NCSTN: variants seen among roughly 807,000 people sequenced by gnomAD.
The protein encoded by NCSTN is nicastrin.
NCSTN carries 22 observed loss-of-function variants against 87.0 expected under a neutral mutation model. The ratio of observed to expected loss-of-function variants is 0.25; its 90% CI spans 0.18 to 0.36. The LOEUF is 0.36. Ranked by LOEUF, NCSTN falls within the 10% of genes least tolerant of loss-of-function variation. The probability of loss-of-function intolerance (pLI) is 1.00; values close to 1 mark genes in which losing one functional copy is unlikely to be tolerated. For synonymous variants in NCSTN, 306 were observed against 327.1 expected, an observed-to-expected ratio of 0.94 and a Z score of 0.69; for missense variants, 693 against 883.3, an observed-to-expected ratio of 0.78 and a Z score of 2.73.
intron 10 of NCSTN, chr1:160,353,788 A>G (rs1648994936): frequency 1.1e-6 from 1 of 894,128 alleles, no homozygotes; most frequent in Non-Finnish European, 1.3e-6. Context: ...TTCTATTATT[A>G]TTTGCTCCCT....
At chr1:160,343,545 A>T in intron 1 of NCSTN, 64 bp downstream of exon 1, 1 of 1,442,256 alleles carries the variant, frequency 6.9e-7, no homozygotes, top group Non-Finnish European at 9.6e-7. Context: ...CCCCGCCGCG[A>T]CCGCCACTGT....
chr1:160,356,125 G>A (rs1649118222), intron 13 of NCSTN, 135 bp from the exon 14 acceptor site: 2 of 1,014,548 alleles, frequency 2.0e-6, no homozygotes, highest in Admixed American at 3.9e-5. Context: ...CATCTTATGA[G>A]CCAGCTACTG....
Position 160,356,593 on chromosome 1 carries a change from C to T in NCSTN, c.1640-7C>T. 6.2e-7 allele frequency: 1 copy of T among 1,614,188 alleles called. No homozygotes were observed. Among genetic ancestry groups the T allele is most frequent in the South Asian group, 1.1e-5 (1 of 91,088 alleles). ...CAAATCTTCCCTTCCCTTTGGTCTG[C>T]ACTCAGGTGACGGGCCTCTTCAACA... On this transcript the variant is annotated splice_polypyrimidine_tract_variant and splice_region_variant and intron_variant, in intron 14 of 16. Transcript: ENST00000294785.
At chr1:160,352,353 T>C in intron 8 of NCSTN, 147 bp downstream of exon 8, 9 of 983,798 alleles carry the variant, frequency 9.1e-6, no homozygotes, top group Non-Finnish European at 1.4e-5. Context: ...GTGTCTCCCC[T>C]TTAGATTCCT....
Position 160,349,602 on chromosome 1 carries a change from T to C in NCSTN, c.368T>C (p.Val123Ala). 7 of 1,614,086 alleles carry C rather than the reference T, an allele frequency of 4.3e-6. No individual in the cohort carries two copies. Among genetic ancestry groups the C allele is most frequent in the Non-Finnish European group, 5.9e-6 (7 of 1,179,956 alleles). ...GRTSRIAGLAVSLTKPSPASG... is the reference protein window; with the variant it reads ...GRTSRIAGLAASLTKPSPASG... ...ACCAGCCGAATTGCTGGTCTTGCAG[T>C]GTCCTTGACCAAGCCCAGTCCTGCC... Residue 123 changes from valine to alanine, a missense_variant, in exon 4 of 17, where the codon GTG becomes GCG. Transcript: ENST00000294785.
chr1:160,356,974 G>C, intron 15 of NCSTN, 67 bp from the exon 16 acceptor site: 1 of 1,473,964 alleles, frequency 6.8e-7, no homozygotes. Context: ...GGCACTGATA[G>C]AGGGTAGAGG....
intron 6 of NCSTN, 64 bp from the exon 7 acceptor site, chr1:160,351,632 G>A (rs1648843107): frequency 7.0e-7 from 1 of 1,436,182 alleles, no homozygotes; most frequent in Non-Finnish European, 9.8e-7. Context: ...GATTTCCAAT[G>A]TTGCCTTTAT....
At chr1:160,353,413 G>A in intron 10 of NCSTN, 176 bp downstream of exon 10, 1 of 1,501,408 alleles carries the variant, frequency 6.7e-7, no homozygotes, top group South Asian at 1.3e-5. Flanking sequence ...GAAGAATCAG[G>A]AACTCAGTGA....
At chr1:160,343,584 TCCCCCC>T in intron 1 of NCSTN, 103 bp downstream of exon 1, 1 of 1,060,252 alleles carries the variant, frequency 9.4e-7, no homozygotes, top group South Asian at 1.3e-5. Context: ...TGCCCCTCTG[TCCCCCC>T]ACCCTGTAAA....
chr1:160,344,864 T>A, intron 2 of NCSTN, 38 bp downstream of exon 2: 1 of 1,532,170 alleles, frequency 6.5e-7, no homozygotes, highest in South Asian at 1.1e-5. Context: ...GACATTGATA[T>A]TTGTCTGTGC....
In NCSTN at chr1:160,344,838, T is replaced by C. The variant is rs1272406032; in HGVS notation, c.190+12T>C. 9 of 1,599,180 alleles carry C rather than the reference T, an allele frequency of 5.6e-6. No individual in the cohort carries two copies. In the African/African-American group the frequency reaches 9.4e-5, roughly 17 times the overall value. On this transcript the variant is annotated intron_variant, in intron 2 of 16. Transcript: ENST00000294785. The stretch of plus-strand genomic sequence containing the variant: ...GATTGGCTGCCAGTGTGAGTTGAGA[T>C]GGATTCATGTTTGTGGACATTGATA...
intron 4 of NCSTN, 28 bp from the exon 5 acceptor site, chr1:160,350,077 T>C: frequency 6.2e-7 from 1 of 1,612,458 alleles, no homozygotes; most frequent in South Asian, 1.1e-5. Flanking sequence ...CAGTAACCAG[T>C]CCCCCTATTC....
chr1:160,344,128 G>A (rs1648299939), intron 1 of NCSTN, among the ~76,000 whole-genome samples: 1 of 151,986 alleles, frequency 6.6e-6, no homozygotes, highest in Non-Finnish European at 1.5e-5. Flanking sequence ...AGTTGGTCAA[G>A]CCCTAAAATG....
intron 11 of NCSTN, 39 bp downstream of exon 11, chr1:160,354,329 A>G (rs767334897): frequency 1.2e-6 from 2 of 1,603,048 alleles, no homozygotes; most frequent in Non-Finnish European, 1.7e-6. Flanking sequence ...TCATTCTTGA[A>G]GAGAGTCTAT....
intron 2 of NCSTN, among the ~76,000 whole-genome samples, chr1:160,347,169 G>A (rs1056533828): frequency 6.6e-6 from 1 of 152,236 alleles, no homozygotes; most frequent in Non-Finnish European, 1.5e-5. Flanking sequence ...AAGCGGGACT[G>A]TGGCCACTTC....
At chr1:160,346,788 G>T (rs760889502) in intron 2 of NCSTN, among the ~76,000 whole-genome samples, 4 of 152,102 alleles carry the variant, frequency 2.6e-5, no homozygotes, top group Non-Finnish European at 5.9e-5. Flanking sequence ...TGTATCTTTA[G>T]TAGAGGCGGG....
chr1:160,357,806 C>T lies in NCSTN; in HGVS notation c.2008-343C>T, dbSNP rs187895820. ...CAGCTTCAACTCCCGGCTGGCATTC[C>T]CCATCTGGCACAGCTGGGATGAGTC... On this transcript the variant is annotated intron_variant, in intron 16 of 16. Transcript: ENST00000294785. Among the ~76,000 whole-genome samples, 5 of 152,308 alleles carry T rather than the reference C, an allele frequency of 3.3e-5. No homozygotes were observed. The East Asian group carries it at 7.7e-4, about 23-fold the overall frequency.
rs1648890947 is a variant in NCSTN, at chr1:160,352,169, C to A, written c.959C>A (p.Thr320Asn). ...TTGCAAAAGGCACCTGATGTGACCACCCTGCCCCGCAATGTCATGTTTGTC... is the reference window on the plus strand; with the variant it reads ...TTGCAAAAGGCACCTGATGTGACCAACCTGCCCCGCAATGTCATGTTTGTC... ...EALQKAPDVT[T>N]LPRNVMFVFF... The change falls in exon 8 of 17, where the codon ACC becomes AAC. Residue 320 changes from threonine to asparagine, a missense_variant. Transcript: ENST00000294785. The A allele has an allele frequency of 1.2e-6, 2 of 1,614,036 alleles. No homozygotes were observed. The highest frequency in any genetic ancestry group is 2.7e-5 in the African/African-American group (2 of 74,910).
rs1023517583 is a variant in NCSTN at position 160,358,400 on chromosome 1, A to T, written c.*129A>T. The stretch of plus-strand genomic sequence containing the variant: ...TCTCAGATTGGGATTAACATAAAAG[A>T]GTGGAACTATCCAAAAGAGACAGGG... On this transcript the variant is annotated 3_prime_UTR_variant, in exon 17 of 17. Transcript: ENST00000294785. 8.0e-7 allele frequency: 1 copy of T among 1,242,472 alleles called. No homozygotes were observed. Among genetic ancestry groups the T allele is most frequent in the Non-Finnish European group, 1.2e-6 (1 of 862,206 alleles). The allele number at this position is 1,242,472 out of a possible 1,614,324, so 77.0% of individuals were successfully genotyped here. A position where few individuals can be genotyped will look rare whatever the true frequency, so the allele number is the denominator to read the frequency against.
Sources: allele counts gnomAD v4.1 joint callset (sites outside exome capture counted in the v4.1 genomes callset), GRCh38; gene constraint gnomAD v4.1.1; transcripts MANE v1.5; gene names NCBI Gene and HGNC (gene_info 2026-07-23, HGNC 2026-07-21).